The following SORBS2 variants were observed in gnomAD, a reference collection of about 807,000 sequenced individuals.
SORBS2 encodes the protein sorbin and SH3 domain-containing protein 2.
In SORBS2, 46 loss-of-function variants were observed where a neutral mutation model predicts 97.7. The ratio of observed to expected loss-of-function variants is 0.47; its 90% CI spans 0.37 to 0.60. SORBS2 has a LOEUF of 0.60. Among genes scored for constraint, SORBS2 ranks in the 20% least tolerant of loss-of-function variants. The pLI is 0.00. For missense variants in SORBS2, 1,316 were observed against 1,282.3 expected, an observed-to-expected ratio of 1.03 and a Z score of -0.40; for synonymous variants, 476 against 473.4, an observed-to-expected ratio of 1.01 and a Z score of -0.07.
chr4:185,665,973 T>C, intron 4 of SORBS2: 1 of 1,265,638 alleles, frequency 7.9e-7, no homozygotes, highest in Admixed American at 2.4e-5. Context: ...GGAGCAGGTG[T>C]TTGTATAAGC....
chr4:185,665,960 C>T, intron 4 of SORBS2: 4 of 1,247,578 alleles, frequency 3.2e-6, no homozygotes, highest in African/African-American at 1.5e-5. Flanking sequence ...CTTTCTGGAG[C>T]TGGGAGCAGG....
chr4:185,645,227 G>A (rs1446877280), intron 4 of SORBS2, among the ~76,000 whole-genome samples: 1 of 152,114 alleles, frequency 6.6e-6, no homozygotes, highest in Non-Finnish European at 1.5e-5. Flanking sequence ...TTAAAATTTT[G>A]TTATTTAATT....
chr4:185,829,589 C>G (rs2099204028), intron 1 of SORBS2, among the ~76,000 whole-genome samples: 1 of 152,126 alleles, frequency 6.6e-6, no homozygotes, highest in African/African-American at 2.4e-5. Flanking sequence ...GACACACAAA[C>G]CAAGAGATGA....
At chr4:185,775,976 G>A (rs948997680) in intron 1 of SORBS2, 3 of 152,220 alleles carry the variant, frequency 2.0e-5, no homozygotes, top group African/African-American at 7.2e-5. Flanking sequence ...AGTGACATGA[G>A]GCAGACAAAC....
At chr4:185,678,601 T>G (rs1251241407) in intron 3 of SORBS2, 54 bp from the exon 7 acceptor site, 99 of 1,458,602 alleles carry the variant, frequency 6.8e-5, no homozygotes, top group Non-Finnish European at 7.7e-5. Flanking sequence ...CACTTAAACA[T>G]TTTTTATAAA....
intron 2 of SORBS2, among the ~76,000 whole-genome samples, chr4:185,711,794 G>A (rs1269961144): frequency 6.6e-6 from 1 of 152,098 alleles, no homozygotes; most frequent in African/African-American, 2.4e-5. Flanking sequence ...TGAAGCCCGG[G>A]TCTGTCTTTA....
chr4:185,643,657 T>C (rs114888337), intron 4 of SORBS2, among the ~76,000 whole-genome samples: 1,597 of 152,190 alleles, frequency 0.01, 35 homozygotes, highest in African/African-American at 0.036. Flanking sequence ...CTGAGTCCAC[T>C]GCAGGAGAGG....
chr4:185,703,488 A>C (rs2153535545), intron 2 of SORBS2, among the ~76,000 whole-genome samples: 1 of 152,336 alleles, frequency 6.6e-6, no homozygotes, highest in African/African-American at 2.4e-5. Context: ...TTGAAGGAAA[A>C]AAAACTAAAA....
At chr4:185,946,777 G>T (rs2099274732) in intron 1 of SORBS2, among the ~76,000 whole-genome samples, 1 of 152,140 alleles carries the variant, frequency 6.6e-6, no homozygotes, top group South Asian at 2.1e-4. Flanking sequence ...TTCAATTAAA[G>T]TGCCAAATAA....
chr4:185,706,392 A>G (rs1258181634), intron 2 of SORBS2, among the ~76,000 whole-genome samples: 1 of 152,218 alleles, frequency 6.6e-6, no homozygotes, highest in Non-Finnish European at 1.5e-5. Flanking sequence ...TCTTTTAGTT[A>G]GTTGTAATAT....
chr4:185,827,122 A>G (rs2099200570), intron 1 of SORBS2, among the ~76,000 whole-genome samples: 2 of 147,136 alleles, frequency 1.4e-5, no homozygotes, highest in African/African-American at 5.1e-5. Flanking sequence ...CATCATCATC[A>G]CCATCATCAT....
intron 1 of SORBS2, among the ~76,000 whole-genome samples, chr4:185,920,953 G>A (rs1368887340): frequency 6.6e-6 from 1 of 152,122 alleles, no homozygotes; most frequent in Non-Finnish European, 1.5e-5. Context: ...CCATCATGAG[G>A]GTTTGAGTAG....
chr4:185,771,044 G>T (rs1045069087), intron 2 of SORBS2: 2 of 146,870 alleles, frequency 1.4e-5, no homozygotes, highest in Non-Finnish European at 3.0e-5. Context: ...GCAATGGTGG[G>T]ATCTTGGCTC....
At chr4:185,861,824 C>A (rs556532908) in intron 1 of SORBS2, among the ~76,000 whole-genome samples, 13 of 152,224 alleles carry the variant, frequency 8.5e-5, no homozygotes, top group Admixed American at 2.6e-4. Context: ...GTTTTGAACT[C>A]CTGACCTCAT....
intron 3 of SORBS2, 81 bp from the exon 7 acceptor site, chr4:185,678,628 A>C (rs943446108): frequency 5.7e-6 from 8 of 1,408,682 alleles, no homozygotes; most frequent in Non-Finnish European, 7.6e-6. Context: ...TTTTATTTCC[A>C]AAATCATTTT....
intron 1 of SORBS2, among the ~76,000 whole-genome samples, chr4:185,821,671 G>A (rs1056049130): frequency 1.1e-4 from 16 of 152,242 alleles, no homozygotes; most frequent in South Asian, 8.3e-4. Flanking sequence ...TGATCTGCCC[G>A]CCTCAGCCTC....
intron 2 of SORBS2, among the ~76,000 whole-genome samples, chr4:185,701,779 T>TC (rs951214025): frequency 6.6e-6 from 1 of 151,288 alleles, no homozygotes; most frequent in African/African-American, 2.4e-5. Flanking sequence ...TTCTTTCTTT[T>TC]TTTTTTTTTT....
At chr4:185,909,497 C>T (rs1176015900) in intron 1 of SORBS2, among the ~76,000 whole-genome samples, 2 of 151,936 alleles carry the variant, frequency 1.3e-5, no homozygotes, top group African/African-American at 4.8e-5. Flanking sequence ...ACAATATATC[C>T]ACATGACAAA....
At chr4:185,715,967 G>T (rs1175297592) in intron 2 of SORBS2, among the ~76,000 whole-genome samples, 1 of 152,208 alleles carries the variant, frequency 6.6e-6, no homozygotes, top group Non-Finnish European at 1.5e-5. Context: ...GAGATTAGAA[G>T]TAACATCTTT....
Sources: gnomAD v4.1 joint callset for allele counts (sites outside exome capture counted in the v4.1 genomes callset) on GRCh38, gnomAD v4.1.1 for gene constraint, MANE v1.5 for transcripts, NCBI Gene and HGNC (gene_info 2026-07-23, HGNC 2026-07-21) for gene names.